NSG1: variants seen among roughly 807,000 people sequenced by gnomAD.
The protein encoded by NSG1 is neuronal vesicle trafficking associated 1, also known as neuronal vesicle trafficking-associated protein 1.
In NSG1, 9 loss-of-function variants were observed where a neutral mutation model predicts 19.3. That is an observed-to-expected ratio of 0.47 (90% confidence interval 0.28 to 0.81). NSG1 has a LOEUF of 0.81. Among genes scored for constraint, NSG1 ranks in the 40% least tolerant of loss-of-function variants. The pLI is 0.11. For synonymous variants in NSG1, 104 were observed against 107.0 expected (o/e 0.97, Z 0.17); for missense variants, 236 against 242.4 (o/e 0.97, Z 0.18).
At chr4:4,388,048 G>T (rs4515107) in intron 2 of NSG1, among the ~76,000 whole-genome samples, 3 of 151,708 alleles carry the variant, frequency 2.0e-5, no homozygotes, top group Non-Finnish European at 4.4e-5. Context: ...AGAGGGCCCT[G>T]GCCCCGCAGC....
intron 4 of NSG1, among the ~76,000 whole-genome samples, chr4:4,410,417 G>A (rs960190704): frequency 2.6e-5 from 4 of 152,176 alleles, no homozygotes; most frequent in Non-Finnish European, 5.9e-5. Flanking sequence ...GTTGTTAGGC[G>A]ACTCCATCAT....
chr4:4,394,711 G>A (rs1295903023), intron 3 of NSG1, among the ~76,000 whole-genome samples: 2 of 152,196 alleles, frequency 1.3e-5, no homozygotes, highest in Non-Finnish European at 1.5e-5. Context: ...TCTCTCTGGC[G>A]CTTCTTGCAC....
At chr4:4,407,905 G>T (rs1028765825) in intron 3 of NSG1, among the ~76,000 whole-genome samples, 3 of 152,146 alleles carry the variant, frequency 2.0e-5, no homozygotes, top group African/African-American at 7.2e-5. Flanking sequence ...TGAGCGGCTT[G>T]CAGGGGGTGC....
At chr4:4,388,646 C>G (rs1317257350) in intron 2 of NSG1, among the ~76,000 whole-genome samples, 1 of 151,564 alleles carries the variant, frequency 6.6e-6, no homozygotes, top group Admixed American at 6.6e-5. Flanking sequence ...AAGTGCTTTT[C>G]TATTTATTTT....
At chr4:4,386,858 T>G (rs1216654723), upstream of NSG1, 3 of 151,782 alleles carry the variant, frequency 2.0e-5, no homozygotes, top group African/African-American at 7.2e-5. Flanking sequence ...CGCTCCCCTG[T>G]TCCCTCCCCC....
chr4:4,399,772 T>C lies in NSG1; in HGVS notation c.246+8181T>C, dbSNP rs115943029. Among the ~76,000 whole-genome samples, 676 of 152,288 alleles carry C rather than the reference T, an allele frequency of 4.4e-3. 4 individuals carry two copies. The highest frequency in any genetic ancestry group is 0.015 in the African/African-American group (613 of 41,562). On this transcript the variant is annotated intron_variant, in intron 3 of 4. Coordinates refer to ENST00000621129, the MANE Select transcript of NSG1 (RefSeq NM_014392.5). The stretch of plus-strand genomic sequence containing the variant: ...ACTGACCAGGGAGCAGGGGATGGTT[T>C]TGGGATGAAACTAGATCATCAGGCA...
At chr4:4,416,135 T>A (rs1724523300) in intron 4 of NSG1, 1 of 702,392 alleles carries the variant, frequency 1.4e-6, no homozygotes, top group Non-Finnish European at 2.6e-6. Flanking sequence ...GTGGTGTGAC[T>A]CATTGGCCGC....
chr4:4,401,456 T>G (rs1723543785), intron 3 of NSG1, among the ~76,000 whole-genome samples: 1 of 152,192 alleles, frequency 6.6e-6, no homozygotes, highest in Non-Finnish European at 1.5e-5. Context: ...ACTGGGTTTT[T>G]TGATGCTTCA....
chr4:4,407,644 A>G (rs1408655363), intron 3 of NSG1, among the ~76,000 whole-genome samples: 2 of 151,816 alleles, frequency 1.3e-5, no homozygotes, highest in Non-Finnish European at 2.9e-5. Flanking sequence ...AGGCTCGGGG[A>G]CAATTGTGAG....
chr4:4,404,256 G>A (rs1053902085), intron 3 of NSG1, among the ~76,000 whole-genome samples: 2 of 152,222 alleles, frequency 1.3e-5, no homozygotes, highest in Admixed American at 6.5e-5. Flanking sequence ...GAATTGGACG[G>A]TCTCCAGCTT....
chr4:4,404,556 G>A (rs538064487), intron 3 of NSG1, among the ~76,000 whole-genome samples: 1 of 152,330 alleles, frequency 6.6e-6, no homozygotes, highest in African/African-American at 2.4e-5. Flanking sequence ...TTTCAAATTG[G>A]TTGAACGATG....
chr4:4,401,166 G>A (rs567719171), intron 3 of NSG1, among the ~76,000 whole-genome samples: 1 of 152,306 alleles, frequency 6.6e-6, no homozygotes, highest in East Asian at 1.9e-4. Flanking sequence ...AGCTTTTACT[G>A]CCAGCTGCAC....
In NSG1 at chr4:4,417,545, G is replaced by A; in HGVS notation, c.*110G>A. 1 of 1,100,334 alleles carries A rather than the reference G, an allele frequency of 9.1e-7. No homozygotes were observed. The highest frequency in any genetic ancestry group is 2.3e-5 in the Admixed American group (1 of 43,532). 68.2% of individuals were successfully genotyped at this position (1,100,334 alleles called of 1,614,324 possible). A position where few individuals can be genotyped will look rare whatever the true frequency, so the allele number is the denominator to read the frequency against. On this transcript the variant is annotated 3_prime_UTR_variant, in exon 5 of 5. Transcript: ENST00000621129. ...ACTTTAGAGGTTACTCATTTACGGT[G>A]CAATTGCTTCTGTTTGCTAATGCTG...
In NSG1 at chr4:4,417,441, T is replaced by C. The variant is rs1335271916; in HGVS notation, c.*6T>C. On this transcript the variant is annotated 3_prime_UTR_variant, in exon 5 of 5. Transcript: ENST00000621129. ...CGGCTGAGAAGTCAGCTTAGCGGGATGGGCAAGTTCCTTACAATGTGTCAC... is the reference window on the plus strand; with the variant it reads ...CGGCTGAGAAGTCAGCTTAGCGGGACGGGCAAGTTCCTTACAATGTGTCAC... 6.2e-7 allele frequency: 1 copy of C among 1,613,908 alleles called. No individual in the cohort carries two copies. The highest frequency in any genetic ancestry group is 8.5e-7 in the Non-Finnish European group (1 of 1,179,876).
intron 3 of NSG1, among the ~76,000 whole-genome samples, chr4:4,408,269 T>A (rs1367371002): frequency 6.6e-6 from 1 of 151,812 alleles, no homozygotes; most frequent in Non-Finnish European, 1.5e-5. Flanking sequence ...CAGGGGAGAG[T>A]CCCAGCCCCT....
At chr4:4,414,821 C>T (rs1199266671) in intron 4 of NSG1, among the ~76,000 whole-genome samples, 1 of 152,028 alleles carries the variant, frequency 6.6e-6, no homozygotes, top group Non-Finnish European at 1.5e-5. Flanking sequence ...CCTCAGAGCC[C>T]CAGGCAGTGG....
At chr4:4,416,148 T>G in intron 4 of NSG1, 1 of 702,422 alleles carries the variant, frequency 1.4e-6, no homozygotes, top group Non-Finnish European at 2.6e-6. Flanking sequence ...TTGGCCGCAT[T>G]TTATAGGTGA....
intron 4 of NSG1, among the ~76,000 whole-genome samples, chr4:4,412,864 T>C (rs1577296056): frequency 6.6e-6 from 1 of 152,228 alleles, no homozygotes; most frequent in Non-Finnish European, 1.5e-5. Context: ...CAGGGAAGCC[T>C]GGCTTGGCAG....
intron 4 of NSG1, among the ~76,000 whole-genome samples, chr4:4,413,412 G>A (rs546078609): frequency 5.3e-5 from 8 of 151,502 alleles, no homozygotes; most frequent in South Asian, 2.1e-4. Context: ...AGCAAGCCCC[G>A]TCCACGCCCT....
Sources: gnomAD v4.1 joint callset for allele counts (sites outside exome capture counted in the v4.1 genomes callset) on GRCh38, gnomAD v4.1.1 for gene constraint, MANE v1.5 for transcripts, NCBI Gene and HGNC (gene_info 2026-07-23, HGNC 2026-07-21) for gene names.